DCUN1D2: variants seen among roughly 807,000 people sequenced by gnomAD.
The protein encoded by DCUN1D2 is DCN1-like protein 2.
A neutral mutation model predicts 30.9 loss-of-function variants in DCUN1D2; 29 were observed. The observed-to-expected ratio is 0.94, with a 90% CI of 0.70 to 1.28. The LOEUF (loss-of-function observed/expected upper bound fraction) is 1.28, where lower values mean the gene tolerates loss of function less well. Among genes scored for constraint, DCUN1D2 ranks in the 50% most tolerant of loss-of-function variants. The pLI is 0.00. For synonymous variants in DCUN1D2, 121 were observed against 115.3 expected (o/e 1.05, Z -0.32); for missense variants, 325 against 316.9 (o/e 1.03, Z -0.19).
chr13:113,467,344 C>T (rs1359572784), intron 4 of DCUN1D2, among the ~76,000 whole-genome samples: 3 of 152,108 alleles, frequency 2.0e-5, no homozygotes, highest in Admixed American at 6.5e-5. Context: ...CATGTAATTG[C>T]TATAATGTGC....
intron 1 of DCUN1D2, among the ~76,000 whole-genome samples, chr13:113,484,688 G>C (rs570815717): frequency 2.0e-5 from 3 of 152,104 alleles, no homozygotes; most frequent in Non-Finnish European, 4.4e-5. Context: ...ATAGGACAGA[G>C]GCTCTGGGCA....
chr13:113,473,954 G>A (rs997678117), intron 4 of DCUN1D2, among the ~76,000 whole-genome samples, 170 bp downstream of exon 4: 2 of 152,182 alleles, frequency 1.3e-5, no homozygotes, highest in African/African-American at 4.8e-5. Flanking sequence ...GCAGTGAGCT[G>A]TGATTGCACC....
intron 2 of DCUN1D2, 94 bp from the exon 3 acceptor site, chr13:113,480,837 T>A: frequency 7.4e-7 from 1 of 1,346,500 alleles, no homozygotes; most frequent in South Asian, 1.3e-5. Context: ...TTATACTACA[T>A]AGTTCTAGCA....
rs1442088133 is a variant in DCUN1D2 at position 113,456,810 on chromosome 13, G to T, written c.*1219C>A. 1.3e-5 allele frequency: 2 copies of T among 156,310 alleles called. No homozygotes were observed. The highest frequency in any genetic ancestry group is 2.8e-5 in the Non-Finnish European group (2 of 71,022). 9.7% of individuals were successfully genotyped at this position (156,310 alleles called of 1,614,324 possible). On this transcript the variant is annotated 3_prime_UTR_variant, in exon 7 of 7. Coordinates refer to ENST00000478244, the MANE Select transcript of DCUN1D2 (RefSeq NM_001014283.2). The stretch of plus-strand genomic sequence containing the variant: ...TCCAAATGTGCACAGGGGCACAAAG[G>T]TCTGGATGCTGGGCACTACGGGTAC...
chr13:113,481,213 G>A (rs1054445766), intron 2 of DCUN1D2, among the ~76,000 whole-genome samples: 1 of 152,112 alleles, frequency 6.6e-6, no homozygotes, highest in African/African-American at 2.4e-5. Context: ...AATTCTAATG[G>A]TACTGGACAA....
At chr13:113,475,615 G>C (rs551552189) in intron 3 of DCUN1D2, among the ~76,000 whole-genome samples, 1 of 152,314 alleles carries the variant, frequency 6.6e-6, no homozygotes, top group South Asian at 2.1e-4. Flanking sequence ...GGCCAGGTAT[G>C]GTGGCTCATT....
Position 113,483,938 on chromosome 13 carries a change from G to C in DCUN1D2, c.122C>G (p.Thr41Arg). ...TQNEWRLDEA[T>R]DSFFQNPDSL... Reference sequence around the variant, plus strand: ...GTCTGGGTTTTGGAAGAAGCTGTCCGTGGCCTCGTCTAGTCTCCACTCATT... The same window carrying C: ...GTCTGGGTTTTGGAAGAAGCTGTCCCTGGCCTCGTCTAGTCTCCACTCATT... Residue 41 changes from threonine to arginine, a missense_variant, in exon 2 of 7, where the codon ACG becomes AGG. Physicochemically the swap from Thr to Arg is moderately conservative, Grantham distance 71. Coordinates refer to ENST00000478244, the MANE Select transcript of DCUN1D2 (RefSeq NM_001014283.2). The C allele has an allele frequency of 1.2e-6, 2 of 1,614,144 alleles. No homozygotes were observed. Among genetic ancestry groups the C allele is most frequent in the Non-Finnish European group, 1.7e-6 (2 of 1,180,056 alleles).
intron 6 of DCUN1D2, among the ~76,000 whole-genome samples, chr13:113,458,686 A>G (rs975010487): frequency 3.9e-5 from 6 of 152,216 alleles, no homozygotes; most frequent in African/African-American, 1.4e-4. Flanking sequence ...CACAAAGAGA[A>G]GCAGAAGCTA....
intron 1 of DCUN1D2, chr13:113,489,087 T>A: frequency 5.1e-6 from 5 of 984,878 alleles, no homozygotes; most frequent in Non-Finnish European, 3.6e-6. Context: ...AGGGTCAACT[T>A]ACCCGGGGCT....
intron 2 of DCUN1D2, among the ~76,000 whole-genome samples, chr13:113,481,324 A>G (rs2044704133): frequency 6.6e-6 from 1 of 152,214 alleles, no homozygotes; most frequent in African/African-American, 2.4e-5. Context: ...AAAATTAAAG[A>G]ACTTAGCATT....
intron 2 of DCUN1D2, 33 bp from the exon 3 acceptor site, chr13:113,480,776 A>G (rs755639467): frequency 1.8e-5 from 29 of 1,609,752 alleles, no homozygotes; most frequent in Non-Finnish European, 2.5e-5. Context: ...AGGAAGTTAT[A>G]CTATTTTGAA....
intron 3 of DCUN1D2, 196 bp downstream of exon 3, chr13:113,480,379 A>C: frequency 2.2e-6 from 1 of 463,122 alleles, no homozygotes. Context: ...AAAATGTGAA[A>C]TGAAATAAAG....
At chr13:113,458,645 CT>C (rs1437536529) in intron 6 of DCUN1D2, among the ~76,000 whole-genome samples, 2 of 152,200 alleles carry the variant, frequency 1.3e-5, no homozygotes, top group African/African-American at 2.4e-5. Context: ...CTGGGTGCCC[CT>C]GATCTAGGGA....
chr13:113,460,312 C>T (rs1326019162), intron 5 of DCUN1D2, among the ~76,000 whole-genome samples: 3 of 152,202 alleles, frequency 2.0e-5, no homozygotes, highest in Non-Finnish European at 2.9e-5. Flanking sequence ...TCTGTGTCAC[C>T]TGGTGTCAGG....
chr13:113,473,804 T>C (rs1051212338), intron 4 of DCUN1D2, among the ~76,000 whole-genome samples: 1 of 152,202 alleles, frequency 6.6e-6, no homozygotes, highest in Non-Finnish European at 1.5e-5. Flanking sequence ...GAGACCAGCA[T>C]AGGCAACAAG....
chr13:113,458,140 T>C (rs542880020), intron 6 of DCUN1D2, 32 bp from the exon 7 acceptor site: 10 of 1,579,332 alleles, frequency 6.3e-6, no homozygotes, highest in Admixed American at 3.3e-5. Context: ...GAAAACCCGT[T>C]AGAGCACCGT....
chr13:113,473,132 CCTCT>C (rs2044553549), intron 4 of DCUN1D2, among the ~76,000 whole-genome samples: 1 of 149,192 alleles, frequency 6.7e-6, no homozygotes, highest in East Asian at 2.0e-4. Flanking sequence ...TCTCTCTATC[CCTCT>C]GTCTCCTGTG....
chr13:113,468,660 C>T (rs748457554), intron 4 of DCUN1D2, among the ~76,000 whole-genome samples: 41 of 150,438 alleles, frequency 2.7e-4, no homozygotes, highest in African/African-American at 9.5e-4. Flanking sequence ...CTAAAGGGGG[C>T]GGGGGAGGGC....
At chr13:113,481,925 A>G (rs2044718510) in intron 2 of DCUN1D2, among the ~76,000 whole-genome samples, 2 of 151,966 alleles carry the variant, frequency 1.3e-5, no homozygotes, top group Admixed American at 1.3e-4. Flanking sequence ...CATCCTTCTA[A>G]CTCTATTCTC....
Sources: allele counts gnomAD v4.1 joint callset (sites outside exome capture counted in the v4.1 genomes callset), GRCh38; gene constraint gnomAD v4.1.1; transcripts MANE v1.5; gene names NCBI Gene and HGNC (gene_info 2026-07-23, HGNC 2026-07-21).